Variants in PDCD11 observed in about 807,000 individuals in gnomAD.
PDCD11 encodes the protein protein RRP5 homolog.
PDCD11 carries 97 observed loss-of-function variants against 198.9 expected under a neutral mutation model. The observed-to-expected ratio is 0.49, with a 90% CI of 0.41 to 0.58. The LOEUF (loss-of-function observed/expected upper bound fraction) is 0.58. Among genes scored for constraint, PDCD11 ranks in the 20% least tolerant of loss-of-function variants. The pLI, the probability that PDCD11 is intolerant of heterozygous loss-of-function variation, is 0.00. For missense variants in PDCD11, 2,102 were observed against 2,312.7 expected (o/e 0.91, Z 1.87); for synonymous variants, 893 against 918.0 (o/e 0.97, Z 0.49).
At position 103,423,590 on chromosome 10, in the gene PDCD11, G is replaced by A; in HGVS notation, c.2695G>A (p.Val899Ile). ...GAAAAAGAAGGTTGTTATCTTAAATGTTGATCTTTTGAAGTTGGAAGTGCA... is the reference window on the plus strand; with the variant it reads ...GAAAAAGAAGGTTGTTATCTTAAATATTGATCTTTTGAAGTTGGAAGTGCA... ...GQKKKVVILN[V>I]DLLKLEVHVS... Residue 899 changes from valine to isoleucine, a missense_variant, in exon 19 of 36, where the codon GTT becomes ATT. Transcript: ENST00000369797. 1.2e-6 allele frequency: 2 copies of A among 1,614,160 alleles called. No individual in the cohort carries two copies. The highest frequency in any genetic ancestry group is 1.7e-6 in the Non-Finnish European group (2 of 1,179,992).
chr10:103,415,189 A>T (rs2031038009), intron 12 of PDCD11, 38 bp downstream of exon 12: 3 of 1,609,072 alleles, frequency 1.9e-6, no homozygotes, highest in African/African-American at 2.7e-5. Flanking sequence ...TTTTGGCTAG[A>T]TGGGAAGAAA....
At chr10:103,423,475 T>C (rs1201229622) in intron 18 of PDCD11, 68 bp from the exon 19 acceptor site, 2 of 1,155,228 alleles carry the variant, frequency 1.7e-6, no homozygotes, top group Non-Finnish European at 2.6e-6. Context: ...AGCAGCTACA[T>C]GTGAGAGGTG....
intron 5 of PDCD11, 103 bp downstream of exon 5, chr10:103,405,286 C>A: frequency 8.9e-7 from 1 of 1,119,822 alleles, no homozygotes; most frequent in Non-Finnish European, 1.3e-6. Flanking sequence ...AATTGTGACA[C>A]ATAGGAGTGG....
chr10:103,419,578 G>A lies in PDCD11; in HGVS notation c.2147G>A (p.Gly716Asp), dbSNP rs2031306958. The change falls in exon 16 of 36, where the codon GGT becomes GAT. Residue 716 changes from glycine (G) to aspartate (D), a missense_variant. Transcript: ENST00000369797. Reference protein sequence around the residue: ...RKPALVSTVEGGQDPKNFSEI... With the variant: ...RKPALVSTVEDGQDPKNFSEI... ...CCAGCCTTGGTCTCCACAGTAGAAG[G>A]TGGCCAGGATCCCAAGAACTTCTCA... 6.2e-7 allele frequency: 1 copy of A among 1,613,978 alleles called. No individual in the cohort carries two copies. Among genetic ancestry groups the A allele is most frequent in the African/African-American group, 1.3e-5 (1 of 74,900 alleles).
In PDCD11 at chr10:103,432,196, T is replaced by C. The variant is rs1293076769; in HGVS notation, c.3436T>C (p.Tyr1146His). ...SVSPMEKIKQ[Y>H]QAGQTVTCFL... Reference sequence around the variant, plus strand: ...TAGCCCCATGGAGAAGATTAAACAGTACCAGGCCGGCCAGACTGTTACTTG... The same window carrying C: ...TAGCCCCATGGAGAAGATTAAACAGCACCAGGCCGGCCAGACTGTTACTTG... The change falls in exon 22 of 36, where the codon TAC becomes CAC. Residue 1146 changes from tyrosine (Y) to histidine (H), a missense_variant. Physicochemically the swap from Tyr to His is moderately conservative, Grantham distance 83. Coordinates refer to ENST00000369797, the MANE Select transcript of PDCD11 (RefSeq NM_014976.2). 1 of 1,613,896 alleles carries C rather than the reference T, an allele frequency of 6.2e-7. No homozygotes were observed. Among genetic ancestry groups the C allele is most frequent in the African/African-American group, 1.3e-5 (1 of 74,938 alleles).
chr10:103,420,849 TTTTTTTGTTGTTG>T (rs1383548946), intron 16 of PDCD11, among the ~76,000 whole-genome samples: 1 of 151,800 alleles, frequency 6.6e-6, no homozygotes, highest in East Asian at 2.0e-4. Flanking sequence ...GAGGCTCTGT[TTTTTTTGTTGTTG>T]TTGTTTGTTT....
chr10:103,434,205 C>G, intron 23 of PDCD11, 43 bp from the exon 24 acceptor site: 1 of 1,369,384 alleles, frequency 7.3e-7, no homozygotes, highest in Admixed American at 1.7e-5. Context: ...GGATAAATGA[C>G]AGCCTTTCTT....
rs570956890 is a variant in PDCD11 at position 103,421,657 on chromosome 10, C to T, written c.2497+90C>T. ...GTTGTTAGGTGAGTTGTTGGGCTTC[C>T]CAGAACATAAGAAAAAAAAATTTGG... On this transcript the variant is annotated intron_variant, in intron 17 of 35. Coordinates refer to ENST00000369797, the MANE Select transcript of PDCD11 (RefSeq NM_014976.2). 1.1e-5 allele frequency: 12 copies of T among 1,134,664 alleles called. 1 individual carries two copies. The South Asian group carries it at 1.8e-4, about 17-fold the overall frequency. The allele number at this position is 1,134,664 out of a possible 1,614,324, so 70.3% of individuals were successfully genotyped here.
chr10:103,434,065 G>A (rs2032046849), intron 23 of PDCD11, 28 bp downstream of exon 23: 2 of 1,570,728 alleles, frequency 1.3e-6, no homozygotes, highest in Non-Finnish European at 1.8e-6. Flanking sequence ...CCCTGGAGAG[G>A]GGACCCAAGT....
intron 13 of PDCD11, 36 bp from the exon 14 acceptor site, chr10:103,417,756 G>A: frequency 6.2e-7 from 1 of 1,606,362 alleles, no homozygotes; most frequent in East Asian, 2.2e-5. Context: ...AGGCTTGCTG[G>A]GAGGAGTTGG....
chr10:103,418,679 A>G (rs1289344221), intron 15 of PDCD11, 45 bp downstream of exon 15: 4 of 1,528,788 alleles, frequency 2.6e-6, no homozygotes, highest in Non-Finnish European at 3.6e-6. Flanking sequence ...GTGGGGGGCC[A>G]TGGGTGCTTG....
chr10:103,430,164 A>G (rs971082105), intron 21 of PDCD11, among the ~76,000 whole-genome samples: 8 of 151,744 alleles, frequency 5.3e-5, no homozygotes, highest in African/African-American at 1.9e-4. Context: ...CTAATTTTTG[A>G]ATTTTTTTTG....
In PDCD11 at chr10:103,415,205, T is replaced by C; in HGVS notation, c.1518+54T>C. On this transcript the variant is annotated intron_variant, in intron 12 of 35. Coordinates refer to ENST00000369797, the MANE Select transcript of PDCD11 (RefSeq NM_014976.2). ...TTTGGCTAGATGGGAAGAAAGCAGT[T>C]CTCAACTGAAGTTTCTGCCTTTTTC... 2.5e-6 allele frequency: 4 copies of C among 1,588,238 alleles called. No individual in the cohort carries two copies. In the South Asian group the frequency reaches 4.4e-5, roughly 18 times the overall value.
intron 21 of PDCD11, among the ~76,000 whole-genome samples, chr10:103,430,026 T>C (rs1564772481): frequency 6.6e-6 from 1 of 152,216 alleles, no homozygotes; most frequent in Non-Finnish European, 1.5e-5. Flanking sequence ...GGTCTTGCTC[T>C]GTCACCCAGG....
At chr10:103,429,756 C>T (rs760018147) in intron 21 of PDCD11, among the ~76,000 whole-genome samples, 6 of 152,092 alleles carry the variant, frequency 3.9e-5, no homozygotes, top group Non-Finnish European at 8.8e-5. Flanking sequence ...AGTTTTTTGT[C>T]TTGCGTGACT....
intron 8 of PDCD11, among the ~76,000 whole-genome samples, chr10:103,410,292 G>C (rs2030718200): frequency 6.6e-6 from 1 of 151,150 alleles, no homozygotes; most frequent in South Asian, 2.1e-4. Flanking sequence ...TGGCTGAACT[G>C]AAATTAGAGA....
intron 10 of PDCD11, 26 bp downstream of exon 10, chr10:103,414,116 G>T (rs774162842): frequency 1.9e-6 from 3 of 1,600,962 alleles, no homozygotes; most frequent in Admixed American, 1.7e-5. Flanking sequence ...ACAGGTAGGG[G>T]TGTAGAGATG....
chr10:103,440,900 G>A (rs2032359572), intron 30 of PDCD11, 50 bp downstream of exon 30: 1 of 1,313,444 alleles, frequency 7.6e-7, no homozygotes, highest in Non-Finnish European at 1.1e-6. Flanking sequence ...CAAGGGAAGA[G>A]CTGGGCCATC....
At chr10:103,422,411 A>G (rs1341156736) in intron 17 of PDCD11, among the ~76,000 whole-genome samples, 2 of 151,472 alleles carry the variant, frequency 1.3e-5, no homozygotes, top group Non-Finnish European at 2.9e-5. Context: ...GTGCAGCTCA[A>G]TAAATGTTTA....
Sources: gnomAD v4.1 joint callset for allele counts (sites outside exome capture counted in the v4.1 genomes callset) on GRCh38, gnomAD v4.1.1 for gene constraint, MANE v1.5 for transcripts, NCBI Gene and HGNC (gene_info 2026-07-23, HGNC 2026-07-21) for gene names.